The following MAK variants were observed in gnomAD, a reference collection of about 807,000 sequenced individuals.
MAK encodes serine/threonine-protein kinase MAK.
In MAK, 65 loss-of-function variants were observed where a neutral mutation model predicts 82.6. The ratio of observed to expected loss-of-function variants is 0.79; its 90% CI spans 0.64 to 0.97. The LOEUF (loss-of-function observed/expected upper bound fraction) is 0.97. MAK is among the 50% of genes least tolerant of loss of function. The pLI, the probability that MAK is intolerant of heterozygous loss-of-function variation, is 0.00. For synonymous variants in MAK, 250 were observed against 274.2 expected, an observed-to-expected ratio of 0.91 and a Z score of 0.87; for missense variants, 703 against 780.2, an observed-to-expected ratio of 0.90 and a Z score of 1.18.
intron 6 of MAK, 66 bp downstream of exon 6, chr6:10,808,744 C>A: frequency 6.8e-7 from 1 of 1,465,622 alleles, no homozygotes; most frequent in African/African-American, 1.4e-5. Context: ...AAATATGTAA[C>A]AATCCATCGT....
chr6:10,814,192 C>G (rs908479642), intron 4 of MAK, among the ~76,000 whole-genome samples: 2 of 151,988 alleles, frequency 1.3e-5, no homozygotes, highest in Non-Finnish European at 2.9e-5. Context: ...TGGTCTTGAA[C>G]TCCTGACCTC....
chr6:10,794,232 T>C (rs1316318471), intron 9 of MAK, among the ~76,000 whole-genome samples: 1 of 152,168 alleles, frequency 6.6e-6, no homozygotes, highest in East Asian at 1.9e-4. Context: ...AAAAGTGGAC[T>C]CCCCAGGACC....
intron 1 of MAK, among the ~76,000 whole-genome samples, chr6:10,832,611 T>C (rs1258255060): frequency 6.6e-6 from 1 of 152,080 alleles, no homozygotes; most frequent in East Asian, 1.9e-4. Flanking sequence ...ATTTTTTTTT[T>C]TGACAGCCTC....
chr6:10,764,269 G>T lies in MAK; in HGVS notation c.*183C>A. 1 of 616,420 alleles carries T rather than the reference G, an allele frequency of 1.6e-6. No homozygotes were observed. The highest frequency in any genetic ancestry group is 2.0e-5 in the South Asian group (1 of 50,828). The allele number at this position is 616,420 out of a possible 1,614,324, so 38.2% of individuals were successfully genotyped here. A position where few individuals can be genotyped will look rare whatever the true frequency, so the allele number is the denominator to read the frequency against. On this transcript the variant is annotated 3_prime_UTR_variant, in exon 15 of 15. Coordinates refer to ENST00000354489, the MANE Select transcript of MAK (RefSeq NM_001242957.3). ...ATATATCAACACTGTGGGCAATGATGCTAAGAAAATGCATTTCTTGGAAAT... is the reference window on the plus strand; with the variant it reads ...ATATATCAACACTGTGGGCAATGATTCTAAGAAAATGCATTTCTTGGAAAT...
chr6:10,783,566 T>C (rs1417533656), intron 11 of MAK, among the ~76,000 whole-genome samples: 1 of 152,204 alleles, frequency 6.6e-6, no homozygotes, highest in Admixed American at 6.5e-5. Context: ...CCAAAACATG[T>C]CTAGGTTTTG....
At chr6:10,774,528 G>A (rs965707445) in intron 12 of MAK, among the ~76,000 whole-genome samples, 25 of 151,896 alleles carry the variant, frequency 1.6e-4, no homozygotes, top group African/African-American at 5.6e-4. Context: ...GAACAAAAGC[G>A]GTTTTGTGAT....
At chr6:10,830,150 T>TGTGC in intron 2 of MAK, among the ~76,000 whole-genome samples, 1 of 147,874 alleles carries the variant, frequency 6.8e-6, no homozygotes, top group Middle Eastern at 3.8e-3. Flanking sequence ...TGTGTGTGTG[T>TGTGC]GTGTGTGCGT....
intron 2 of MAK, among the ~76,000 whole-genome samples, chr6:10,825,064 C>T (rs1208288348): frequency 6.6e-6 from 1 of 152,178 alleles, no homozygotes; most frequent in Non-Finnish European, 1.5e-5. Flanking sequence ...TTGAGGACTT[C>T]TGGGGAAGAA....
Position 10,802,049 on chromosome 6 carries a change from G to C in MAK, c.674C>G (p.Pro225Arg), listed in dbSNP as rs112257972. 65 of 1,613,998 alleles carry C rather than the reference G, an allele frequency of 4.0e-5. No individual in the cohort carries two copies. In the African/African-American group the frequency reaches 4.5e-4, roughly 11 times the overall value. Residue 225 changes from proline (P) to arginine (R), a missense_variant, in exon 8 of 15, where the codon CCA (proline) becomes CGA (arginine). Coordinates refer to ENST00000354489, the MANE Select transcript of MAK (RefSeq NM_001242957.3). ...VLGTPKKSDW[P>R]EGYQLASSMN... The stretch of plus-strand genomic sequence containing the variant: ...AGAGGATGCCAGCTGGTATCCTTCT[G>C]GCCAGTCACTCTGTTTCAGGAATAT...
At chr6:10,803,924 G>A in intron 6 of MAK, 33 bp from the exon 7 acceptor site, 1 of 1,598,376 alleles carries the variant, frequency 6.3e-7, no homozygotes, top group South Asian at 1.1e-5. Flanking sequence ...AGGTAATTTT[G>A]ATTGCAATTT....
At chr6:10,767,511 C>T (rs73721387) in intron 14 of MAK, among the ~76,000 whole-genome samples, 153 of 152,170 alleles carry the variant, frequency 1.0e-3, no homozygotes, top group African/African-American at 3.4e-3. Flanking sequence ...CTTCTCAAAA[C>T]TTAAAGGGTA....
chr6:10,817,214 T>G (rs1289839655), intron 4 of MAK, among the ~76,000 whole-genome samples: 6 of 152,134 alleles, frequency 3.9e-5, no homozygotes, highest in Admixed American at 1.3e-4. Context: ...ATTTCAGAGT[T>G]TGTTGTTGAA....
At chr6:10,788,861 A>T (rs1038457734) in intron 10 of MAK, among the ~76,000 whole-genome samples, 10 of 152,224 alleles carry the variant, frequency 6.6e-5, no homozygotes, top group African/African-American at 1.9e-4. Context: ...CACATCTTTA[A>T]ATAGACATCT....
chr6:10,775,325 T>G lies in MAK; in HGVS notation c.1597+3A>C. On this transcript the variant is annotated splice_donor_region_variant and intron_variant, in intron 12 of 14. Transcript: ENST00000354489. The stretch of plus-strand genomic sequence containing the variant: ...ACATGTACATTTTGTATTCTTGCGT[T>G]ACCTGCATTGCTCCTTTTGAAAGCA... 1 of 1,612,968 alleles carries G rather than the reference T, an allele frequency of 6.2e-7. No individual in the cohort carries two copies.
intron 6 of MAK, among the ~76,000 whole-genome samples, chr6:10,804,707 C>A (rs1160516311): frequency 6.6e-6 from 1 of 152,150 alleles, no homozygotes; most frequent in African/African-American, 2.4e-5. Flanking sequence ...GTGAGTCCAA[C>A]ACAAAGTCTG....
intron 11 of MAK, among the ~76,000 whole-genome samples, chr6:10,782,249 C>CAT (rs1387339670): frequency 7.2e-6 from 1 of 138,126 alleles, no homozygotes; most frequent in Non-Finnish European, 1.5e-5. Flanking sequence ...CACACACACA[C>CAT]AGACACACAC....
intron 10 of MAK, among the ~76,000 whole-genome samples, chr6:10,788,820 A>G (rs1774825517): frequency 6.6e-6 from 1 of 152,230 alleles, no homozygotes; most frequent in Non-Finnish European, 1.5e-5. Context: ...CTAGACCCAA[A>G]TAATTGTTTT....
At chr6:10,834,836 C>T (rs1002827542) in intron 1 of MAK, among the ~76,000 whole-genome samples, 14 of 152,114 alleles carry the variant, frequency 9.2e-5, no homozygotes, top group East Asian at 1.9e-4. Flanking sequence ...GTGCCAGGTC[C>T]GACCCGCAGA....
At chr6:10,795,922 T>C (rs1481780717) in intron 9 of MAK, 76 bp downstream of exon 9, 2 of 1,484,054 alleles carry the variant, frequency 1.3e-6, no homozygotes, top group African/African-American at 2.8e-5. Flanking sequence ...TCCAACATTA[T>C]TAGAAATGCC....
Sources: gnomAD v4.1 joint callset for allele counts (sites outside exome capture counted in the v4.1 genomes callset) on GRCh38, gnomAD v4.1.1 for gene constraint, MANE v1.5 for transcripts, NCBI Gene and HGNC (gene_info 2026-07-23, HGNC 2026-07-21) for gene names.